The following RIPOR3 variants were observed in gnomAD, a reference collection of about 807,000 sequenced individuals.
RIPOR3 encodes RIPOR family member 3, also known as family with sequence similarity 65 member C.
A neutral mutation model predicts 114.3 loss-of-function variants in RIPOR3; 95 were observed. The ratio of observed to expected loss-of-function variants is 0.83; its 90% CI spans 0.70 to 0.99. RIPOR3 has a LOEUF of 0.99. Ranked by LOEUF, RIPOR3 falls within the 50% of genes least tolerant of loss-of-function variation. The pLI, the probability that RIPOR3 is intolerant of heterozygous loss-of-function variation, is 0.00. For missense variants in RIPOR3, 1,252 were observed against 1,266.9 expected, an observed-to-expected ratio of 0.99 and a Z score of 0.18; for synonymous variants, 575 against 543.8, an observed-to-expected ratio of 1.06 and a Z score of -0.80.
chr20:50,641,706 T>C (rs1446057486), intron 1 of RIPOR3, among the ~76,000 whole-genome samples: 1 of 152,206 alleles, frequency 6.6e-6, no homozygotes, highest in East Asian at 1.9e-4. Context: ...ACCCAGGAGC[T>C]GTGTTACACA....
At chr20:50,671,659 A>C (rs1037395829) in intron 1 of RIPOR3, among the ~76,000 whole-genome samples, 2 of 152,240 alleles carry the variant, frequency 1.3e-5, no homozygotes, top group Admixed American at 1.3e-4. Flanking sequence ...AAATGGGCAT[A>C]ATAGCACATC....
Position 50,609,584 on chromosome 20 carries a change from C to T in RIPOR3, c.565G>A (p.Glu189Lys), listed in dbSNP as rs535921922. ...TTGGCCCGGCCCACCTCGGCGCACT[C>T]GTGCAGGCTGCGGCCCAGCTCCTGC... is the stretch of plus-strand genomic sequence containing the variant. ...SLQELGRSLH[E>K]CAEDMWLIEG... Residue 189 changes from glutamate to lysine, a missense_variant, in exon 7 of 22, where the codon GAG becomes AAG. Physicochemically the swap from Glu to Lys is moderately conservative, Grantham distance 56 (BLOSUM62 1). Transcript: ENST00000327979. 1.0e-4 allele frequency: 145 copies of T among 1,422,804 alleles called. 2 individuals are homozygous for T. In the South Asian group the frequency reaches 1.6e-3, roughly 16 times the overall value. The allele number at this position is 1,422,804 out of a possible 1,614,324, so 88.1% of individuals were successfully genotyped here.
chr20:50,624,396 C>T (rs1280078957), intron 2 of RIPOR3, among the ~76,000 whole-genome samples: 1 of 152,200 alleles, frequency 6.6e-6, no homozygotes, highest in African/African-American at 2.4e-5. Flanking sequence ...CCTCCAGCCC[C>T]CAACAGGTGT....
At chr20:50,634,753 C>CT in intron 1 of RIPOR3, among the ~76,000 whole-genome samples, 1 of 152,228 alleles carries the variant, frequency 6.6e-6, no homozygotes. Flanking sequence ...GATAGAAAGG[C>CT]TGAGCGCAGT....
At chr20:50,605,222 C>T (rs1221465353) in intron 11 of RIPOR3, among the ~76,000 whole-genome samples, 2 of 152,206 alleles carry the variant, frequency 1.3e-5, no homozygotes, top group Non-Finnish European at 2.9e-5. Context: ...CCATGAGCCA[C>T]TGAGCCCAGC....
chr20:50,655,944 A>G (rs2085795864), intron 1 of RIPOR3, among the ~76,000 whole-genome samples: 1 of 152,130 alleles, frequency 6.6e-6, no homozygotes. Flanking sequence ...AGTATGAAGA[A>G]GAAAGTAAAA....
chr20:50,653,585 A>G (rs1600691641), intron 1 of RIPOR3, among the ~76,000 whole-genome samples: 1 of 115,808 alleles, frequency 8.6e-6, no homozygotes, highest in Non-Finnish European at 1.8e-5. Context: ...ATGCCACCAC[A>G]CTTGGCTAAT....
At chr20:50,640,067 T>G (rs2085133381) in intron 1 of RIPOR3, among the ~76,000 whole-genome samples, 1 of 151,332 alleles carries the variant, frequency 6.6e-6, no homozygotes, top group Admixed American at 6.6e-5. Context: ...TGAGTAGTAT[T>G]GAAGACACTA....
At chr20:50,596,622 G>A (rs2122918318) in intron 14 of RIPOR3, among the ~76,000 whole-genome samples, 1 of 152,348 alleles carries the variant, frequency 6.6e-6, no homozygotes, top group East Asian at 1.9e-4. Context: ...AAGGCCGTGA[G>A]GGGTGCATGA....
intron 15 of RIPOR3, 146 bp downstream of exon 15, chr20:50,595,994 A>G: frequency 8.4e-7 from 1 of 1,183,848 alleles, no homozygotes; most frequent in South Asian, 1.5e-5. Context: ...CCTCTCTTCC[A>G]CTGGGGAATA....
chr20:50,636,484 TG>T, intron 1 of RIPOR3: 1 of 936,982 alleles, frequency 1.1e-6, no homozygotes. Flanking sequence ...AGGGCAGCCC[TG>T]GGTAACCAGC....
At chr20:50,676,184 A>T (rs1320380944) in intron 1 of RIPOR3, among the ~76,000 whole-genome samples, 1 of 152,190 alleles carries the variant, frequency 6.6e-6, no homozygotes, top group Non-Finnish European at 1.5e-5. Flanking sequence ...CCACAGATGG[A>T]TACTGTGTCT....
chr20:50,685,278 G>A lies in RIPOR3; in HGVS notation c.3+5848C>T, dbSNP rs190124707. Among the ~76,000 whole-genome samples, 355 of 147,040 alleles carry A rather than the reference G, an allele frequency of 2.4e-3. 1 individual carries two copies. The highest frequency in any genetic ancestry group is 3.9e-3 in the Non-Finnish European group (263 of 67,248). On this transcript the variant is annotated intron_variant, in intron 1 of 21. Coordinates refer to ENST00000327979, the MANE Select transcript of RIPOR3 (RefSeq NM_001290268.2). Reference sequence around the variant, plus strand: ...TTGCTCTATCACCCAGTGCAGTGGCGCGATCTCGGCTCACTGCAACCTCCG... The same window carrying A: ...TTGCTCTATCACCCAGTGCAGTGGCACGATCTCGGCTCACTGCAACCTCCG...
At chr20:50,642,347 T>G (rs796592501) in intron 1 of RIPOR3, among the ~76,000 whole-genome samples, 78 of 40,342 alleles carry the variant, frequency 1.9e-3, no homozygotes, top group African/African-American at 5.4e-3. Flanking sequence ...TCTCTGTGGG[T>G]GTGTGTGTGT....
At chr20:50,612,137 A>G (rs918131433) in intron 4 of RIPOR3, among the ~76,000 whole-genome samples, 23 of 152,014 alleles carry the variant, frequency 1.5e-4, no homozygotes, top group African/African-American at 5.5e-4. Context: ...AAAAAAAAAA[A>G]AAAGAAAAAA....
At position 50,632,427 on chromosome 20, in the gene RIPOR3, C is replaced by T. The variant is rs144558487; in HGVS notation, c.4-1571G>A. ...TCTGTGCAATTGGCTAAGACCCCAG[C>T]TCTGCAGGTGAGCCAGGTGACCCAG... On this transcript the variant is annotated intron_variant, in intron 1 of 21. Transcript: ENST00000327979. Among the ~76,000 whole-genome samples the T allele has an allele frequency of 9.7e-4, 148 of 152,312 alleles. 1 individual carries two copies. Among genetic ancestry groups the T allele is most frequent in the African/African-American group, 3.4e-3 (142 of 41,568 alleles).
chr20:50,612,328 A>G (rs904463088), intron 4 of RIPOR3, among the ~76,000 whole-genome samples: 1 of 152,146 alleles, frequency 6.6e-6, no homozygotes, highest in African/African-American at 2.4e-5. Flanking sequence ...GAAAGCAGCC[A>G]CAGACAATAT....
intron 21 of RIPOR3, 152 bp from the exon 22 acceptor site, chr20:50,587,484 T>G: frequency 3.0e-6 from 2 of 669,482 alleles, no homozygotes; most frequent in Admixed American, 2.6e-5. Flanking sequence ...AGCCCCCACC[T>G]GGTGACTCAC....
chr20:50,619,854 T>C (rs2084330758), intron 3 of RIPOR3, 132 bp downstream of exon 3: 3 of 1,248,454 alleles, frequency 2.4e-6, no homozygotes, highest in Non-Finnish European at 3.3e-6. Flanking sequence ...ACTTGCTTAC[T>C]AAACGAATGA....
Sources: allele counts gnomAD v4.1 joint callset (sites outside exome capture counted in the v4.1 genomes callset), GRCh38; gene constraint gnomAD v4.1.1; transcripts MANE v1.5; gene names NCBI Gene and HGNC (gene_info 2026-07-23, HGNC 2026-07-21).